The following VPS4B variants were observed in gnomAD, a reference collection of about 807,000 sequenced individuals.
VPS4B encodes the protein vacuolar protein sorting 4 homolog B.
VPS4B carries 23 observed loss-of-function variants against 56.1 expected under a neutral mutation model. The observed-to-expected ratio is 0.41, with a 90% confidence interval of 0.30 to 0.58. VPS4B has a LOEUF of 0.58. Ranked by LOEUF, VPS4B falls within the 20% of genes least tolerant of loss-of-function variation. VPS4B has a pLI of 0.29. For missense variants in VPS4B, 372 were observed against 531.9 expected, an observed-to-expected ratio of 0.70 and a Z score of 2.96; for synonymous variants, 177 against 186.0, an observed-to-expected ratio of 0.95 and a Z score of 0.39.
chr18:63,395,288 T>C (rs1012080796), intron 9 of VPS4B, among the ~76,000 whole-genome samples: 1 of 152,204 alleles, frequency 6.6e-6, no homozygotes, highest in African/African-American at 2.4e-5. Flanking sequence ...AGAAAAAACA[T>C]AATGGCTGTG....
intron 9 of VPS4B, among the ~76,000 whole-genome samples, chr18:63,395,993 A>G (rs1915660460): frequency 6.6e-6 from 1 of 152,212 alleles, no homozygotes; most frequent in African/African-American, 2.4e-5. Flanking sequence ...TCTCTTGCTG[A>G]TTTTTGTGAA....
Position 63,397,266 on chromosome 18 carries a change from A to G in VPS4B, c.873-13T>C, listed in dbSNP as rs1397437989. ...TCGTTTCTCAAATCTTAAAAGAGAA[A>G]TTACATCAAGAATATATTTAATTGA... On this transcript the variant is annotated splice_polypyrimidine_tract_variant and intron_variant, in intron 8 of 10. Transcript: ENST00000238497. 7 of 1,591,438 alleles carry G rather than the reference A, an allele frequency of 4.4e-6. No homozygotes were observed. The highest frequency in any genetic ancestry group is 3.6e-5 in the Admixed American group (2 of 55,566).
chr18:63,410,171 G>A, intron 3 of VPS4B, 119 bp downstream of exon 3: 1 of 1,317,164 alleles, frequency 7.6e-7, no homozygotes, highest in Non-Finnish European at 1.0e-6. Flanking sequence ...TCCAAAAACA[G>A]GCAGCTGGGC....
At chr18:63,415,112 G>GT (rs566047368) in intron 1 of VPS4B, among the ~76,000 whole-genome samples, 253 of 151,850 alleles carry the variant, frequency 1.7e-3, no homozygotes, top group African/African-American at 3.9e-3. Context: ...ATATGCATCT[G>GT]TTTTTTTTCT....
intron 1 of VPS4B, among the ~76,000 whole-genome samples, chr18:63,420,993 A>ACGC (rs1415821129): frequency 6.7e-6 from 1 of 149,886 alleles, no homozygotes; most frequent in Non-Finnish European, 1.5e-5. Flanking sequence ...AGCTGAAATC[A>ACGC]CGCCACTGCA....
At chr18:63,407,061 C>T (rs1420369526) in intron 4 of VPS4B, among the ~76,000 whole-genome samples, 3 of 152,200 alleles carry the variant, frequency 2.0e-5, no homozygotes, top group East Asian at 1.9e-4. Flanking sequence ...ATAAAAGCCA[C>T]GTGTAAGTCC....
intron 1 of VPS4B, among the ~76,000 whole-genome samples, chr18:63,418,052 T>C (rs540308794): frequency 2.0e-5 from 3 of 152,344 alleles, no homozygotes; most frequent in Non-Finnish European, 2.9e-5. Context: ...ACTCCATCAA[T>C]GACATGCCTA....
intron 6 of VPS4B, 25 bp downstream of exon 6, chr18:63,400,522 T>A: frequency 6.3e-7 from 1 of 1,595,638 alleles, no homozygotes; most frequent in Non-Finnish European, 8.5e-7. Context: ...AAGAAAAAAC[T>A]TTAAAAAATT....
rs763492142 is a variant in VPS4B at position 63,422,399 on chromosome 18, G to A, written c.-140C>T. On this transcript the variant is annotated 5_prime_UTR_variant, in exon 1 of 11. Transcript: ENST00000238497. ...GACCGCGAAGGGCAGCCTCCCTTCC[G>A]GAACTTGTTTTAGACAACACTCTCT... 2.4e-5 allele frequency: 18 copies of A among 747,986 alleles called. No individual in the cohort carries two copies. The highest frequency in any genetic ancestry group is 1.5e-4 in the African/African-American group (8 of 53,982). 46.3% of individuals were successfully genotyped at this position (747,986 alleles called of 1,614,324 possible). A position where few individuals can be genotyped will look rare whatever the true frequency, so the allele number is the denominator to read the frequency against.
rs537481964 is a variant in VPS4B, at chr18:63,409,325, G to A, written c.296+965C>T. ...CCAAATGGTCTGTGGTAGCAGCCAC[G>A]AAGCCCCAAAGCACTGCCTAAAAGG... On this transcript the variant is annotated intron_variant, in intron 3 of 10. Coordinates refer to ENST00000238497, the MANE Select transcript of VPS4B (RefSeq NM_004869.4). Among the ~76,000 whole-genome samples the A allele has an allele frequency of 1.5e-4, 23 of 152,276 alleles. No homozygotes were observed. In the East Asian group the frequency reaches 3.5e-3, roughly 23 times the overall value.
intron 3 of VPS4B, among the ~76,000 whole-genome samples, chr18:63,408,814 G>C (rs1179322268): frequency 6.6e-6 from 1 of 152,194 alleles, no homozygotes; most frequent in Non-Finnish European, 1.5e-5. Flanking sequence ...GAAGATTGCT[G>C]TTCAGTACAA....
intron 8 of VPS4B, among the ~76,000 whole-genome samples, chr18:63,398,019 GA>G (rs1359331185): frequency 6.6e-6 from 1 of 152,084 alleles, no homozygotes; most frequent in Non-Finnish European, 1.5e-5. Flanking sequence ...GGCAAAAACT[GA>G]AGTGCTAATT....
chr18:63,397,376 AG>A (rs1915695785), intron 8 of VPS4B, 123 bp from the exon 9 acceptor site: 3 of 882,460 alleles, frequency 3.4e-6, no homozygotes, highest in Admixed American at 5.8e-5. Context: ...TTTAGGTTAA[AG>A]GGATAATATC....
chr18:63,413,346 G>C (rs7239617), intron 1 of VPS4B, among the ~76,000 whole-genome samples: 92,912 of 151,892 alleles, frequency 0.61, 29,859 homozygotes, highest in East Asian at 0.91. Context: ...TGCGACCAGC[G>C]TGGGCAACAC....
chr18:63,393,544 G>C lies in VPS4B; in HGVS notation c.1098C>G (p.Arg366=), dbSNP rs151311935. Residue 366 remains arginine, a synonymous_variant, in exon 10 of 11, where the codon CGC becomes CGG. Transcript: ENST00000238497. ...VQSATHFKKV[R]GPSRADPNHL... Reference sequence around the variant, plus strand: ...GGTTAGGATCAGCTCGGGAAGGTCCGCGAACCTGAAATAAACAGTAATCTG... The same window carrying C: ...GGTTAGGATCAGCTCGGGAAGGTCCCCGAACCTGAAATAAACAGTAATCTG... 1 of 1,577,206 alleles carries C rather than the reference G, an allele frequency of 6.3e-7. No homozygotes were observed. The highest frequency in any genetic ancestry group is 1.2e-5 in the South Asian group (1 of 83,664).
At chr18:63,415,450 A>C (rs1442493281) in intron 1 of VPS4B, 2 of 294,782 alleles carry the variant, frequency 6.8e-6, no homozygotes, top group Admixed American at 7.6e-5. Flanking sequence ...TTCTCTGTAT[A>C]TGACTTTCAC....
intron 1 of VPS4B, among the ~76,000 whole-genome samples, chr18:63,412,297 A>C (rs1308085259): frequency 6.6e-6 from 1 of 152,212 alleles, no homozygotes; most frequent in African/African-American, 2.4e-5. Context: ...ATGTAGCAGG[A>C]ATTTATTTGA....
At chr18:63,416,402 T>C (rs183689689) in intron 1 of VPS4B, 73 of 154,552 alleles carry the variant, frequency 4.7e-4, no homozygotes, top group African/African-American at 1.7e-3. Flanking sequence ...AGACAGATAA[T>C]ACTGGCAGAG....
At chr18:63,407,528 T>G in intron 3 of VPS4B, 29 bp from the exon 4 acceptor site, 8 of 1,547,236 alleles carry the variant, frequency 5.2e-6, no homozygotes, top group Non-Finnish European at 7.0e-6. Context: ...TATATTCAAA[T>G]GATCACTCAT....
Sources: allele counts gnomAD v4.1 joint callset (sites outside exome capture counted in the v4.1 genomes callset), GRCh38; gene constraint gnomAD v4.1.1; transcripts MANE v1.5; gene names NCBI Gene and HGNC (gene_info 2026-07-23, HGNC 2026-07-21).